The following NEURL3 variants were observed in gnomAD, a reference collection of about 807,000 sequenced individuals.
NEURL3 encodes E3 ubiquitin-protein ligase NEURL3.
Under a neutral mutation model 17.6 loss-of-function variants are expected in NEURL3, and 19 were observed. The observed-to-expected ratio is 1.08, with a 90% CI of 0.75 to 1.58. NEURL3 has a LOEUF of 1.58. NEURL3 is among the 40% of genes most tolerant of loss of function. The pLI, the probability that NEURL3 is intolerant of heterozygous loss-of-function variation, is 0.00. For synonymous variants in NEURL3, 180 were observed against 161.4 expected (o/e 1.11, Z -0.87); for missense variants, 342 against 379.6 (o/e 0.90, Z 0.82).
Position 96,498,002 on chromosome 2 carries a change from C to G in NEURL3, c.*242G>C. 3 of 519,330 alleles carry G rather than the reference C, an allele frequency of 5.8e-6. No homozygotes were observed. In the South Asian group the frequency reaches 7.9e-5, roughly 14 times the overall value. 32.2% of individuals were successfully genotyped at this position (519,330 alleles called of 1,614,324 possible). On this transcript the variant is annotated 3_prime_UTR_variant, in exon 4 of 4. Transcript: ENST00000451794. This position sits in a 1 kb window ranked among gnomAD's most constrained non-coding sequence, Gnocchi z 4.4. ...TGGGCCACCCCATCTCTAAACAAAGCACCCCATCAGAAGGATAGTTCTGGC... is the reference window on the plus strand; with the variant it reads ...TGGGCCACCCCATCTCTAAACAAAGGACCCCATCAGAAGGATAGTTCTGGC...
upstream of NEURL3, among the ~76,000 whole-genome samples, chr2:96,507,156 A>G (rs74936363): frequency 1.4e-3 from 214 of 152,324 alleles, 6 homozygotes; most frequent in East Asian, 0.037. Flanking sequence ...ACACAGGGAC[A>G]GAGAGAAGAA....
At chr2:96,503,638 A>T (rs1044206406) in intron 1 of NEURL3, among the ~76,000 whole-genome samples, 1 of 152,142 alleles carries the variant, frequency 6.6e-6, no homozygotes, top group Non-Finnish European at 1.5e-5. Context: ...GGCCCACAGG[A>T]CCGTGTCCAC....
chr2:96,506,053 T>C (rs145692940), upstream of NEURL3, among the ~76,000 whole-genome samples: 32 of 152,304 alleles, frequency 2.1e-4, no homozygotes, highest in Non-Finnish European at 3.2e-4. Context: ...CGTCAATATT[T>C]ATTTCGGTTA....
At chr2:96,503,469 GC>G (rs1435708049) in intron 1 of NEURL3, among the ~76,000 whole-genome samples, 2 of 152,156 alleles carry the variant, frequency 1.3e-5, no homozygotes, top group Non-Finnish European at 2.9e-5. Flanking sequence ...ACCTCGGGCA[GC>G]CCCCTGGGAC....
At chr2:96,499,730 G>A (rs1047171472) in intron 2 of NEURL3, among the ~76,000 whole-genome samples, 1 of 151,956 alleles carries the variant, frequency 6.6e-6, no homozygotes, top group African/African-American at 2.4e-5. Flanking sequence ...GGAGACCCTC[G>A]GCCGAGCCAC....
chr2:96,505,162 G>T, intron 1 of NEURL3, 97 bp downstream of exon 1: 2 of 1,456,620 alleles, frequency 1.4e-6, no homozygotes, highest in Non-Finnish European at 1.9e-6. Flanking sequence ...ACTTTACACT[G>T]ACCACATCTC....
At position 96,498,008 on chromosome 2, in the gene NEURL3, A is replaced by T; in HGVS notation, c.*236T>A. 1 of 532,554 alleles carries T rather than the reference A, an allele frequency of 1.9e-6. No homozygotes were observed. The highest frequency in any genetic ancestry group is 3.3e-6 in the Non-Finnish European group (1 of 301,190). The allele number at this position is 532,554 out of a possible 1,614,324, so 33.0% of individuals were successfully genotyped here. A position where few individuals can be genotyped will look rare whatever the true frequency, so the allele number is the denominator to read the frequency against. ...ACCCCATCTCTAAACAAAGCACCCC[A>T]TCAGAAGGATAGTTCTGGCATGGAC... On this transcript the variant is annotated 3_prime_UTR_variant, in exon 4 of 4. Coordinates refer to ENST00000451794, the MANE Select transcript of NEURL3 (RefSeq NM_001285485.2). This position sits in a 1 kb window ranked among gnomAD's most constrained non-coding sequence, Gnocchi z 4.4.
At chr2:96,502,210 G>A (rs939356693) in intron 1 of NEURL3, among the ~76,000 whole-genome samples, 5 of 152,204 alleles carry the variant, frequency 3.3e-5, no homozygotes, top group Admixed American at 3.3e-4. Context: ...TTCCCATGAT[G>A]CACTCATCCC....
At chr2:96,506,493 C>G (rs1046196100), upstream of NEURL3, among the ~76,000 whole-genome samples, 2 of 152,210 alleles carry the variant, frequency 1.3e-5, no homozygotes, top group African/African-American at 4.8e-5. Flanking sequence ...CATGAGCCAC[C>G]GCACCTGGCC....
At chr2:96,503,498 G>GGT (rs1286127888) in intron 1 of NEURL3, among the ~76,000 whole-genome samples, 1 of 152,160 alleles carries the variant, frequency 6.6e-6, no homozygotes, top group Non-Finnish European at 1.5e-5. Flanking sequence ...GGCAGCAAAA[G>GGT]GTCCCTTAGG....
intron 1 of NEURL3, among the ~76,000 whole-genome samples, chr2:96,501,876 T>G (rs956986134): frequency 1.2e-4 from 18 of 151,886 alleles, no homozygotes; most frequent in African/African-American, 4.4e-4. Flanking sequence ...GCGAATTCAA[T>G]CAGAACTTAA....
chr2:96,505,278 G>A lies in NEURL3; in HGVS notation c.9C>T (p.Ala3=). 6.3e-7 allele frequency: 1 copy of A among 1,599,172 alleles called. No individual in the cohort carries two copies. The highest frequency in any genetic ancestry group is 8.5e-7 in the Non-Finnish European group (1 of 1,179,792). ...ACTTACTGGCCTCGAAGCAGAGCTGGGCACCCATCAGTCTAAGGTCCTCGG... is the reference window on the plus strand; with the variant it reads ...ACTTACTGGCCTCGAAGCAGAGCTGAGCACCCATCAGTCTAAGGTCCTCGG... The part of the protein sequence containing the change: MG[A]QLCFEANAKA... The change falls in exon 1 of 4, where the codon GCC becomes GCT. Residue 3 remains alanine (A), a synonymous_variant. Coordinates refer to ENST00000451794, the MANE Select transcript of NEURL3 (RefSeq NM_001285485.2).
intron 1 of NEURL3, among the ~76,000 whole-genome samples, chr2:96,504,877 CAAAAAAA>C (rs1157285400): frequency 3.6e-5 from 2 of 55,278 alleles, no homozygotes; most frequent in Admixed American, 2.1e-4. Flanking sequence ...GACTCCGTCT[CAAAAAAA>C]AAAAAAAAAA....
rs974496127 is a variant in NEURL3 at position 96,500,207 on chromosome 2, G to T, written c.514+232C>A. 2.1e-5 allele frequency: 12 copies of T among 581,108 alleles called. No homozygotes were observed. The African/African-American group carries it at 2.3e-4, about 11-fold the overall frequency. 36.0% of individuals were successfully genotyped at this position (581,108 alleles called of 1,614,324 possible). ...CTAACAGGTGTTTGAGTAACAGATG[G>T]TGTGAGTGCTGGTCCTATCTGCTTA... is the stretch of plus-strand genomic sequence containing the variant. On this transcript the variant is annotated intron_variant, in intron 2 of 3. Coordinates refer to ENST00000451794, the MANE Select transcript of NEURL3 (RefSeq NM_001285485.2).
chr2:96,499,552 G>T, intron 2 of NEURL3, 103 bp from the exon 3 acceptor site: 1 of 1,048,912 alleles, frequency 9.5e-7, no homozygotes, highest in Non-Finnish European at 1.4e-6. Context: ...TTTCTTTCCT[G>T]GGTTGCAATG....
chr2:96,502,506 G>A (rs1403387183), intron 1 of NEURL3, among the ~76,000 whole-genome samples: 1 of 152,238 alleles, frequency 6.6e-6, no homozygotes, highest in Non-Finnish European at 1.5e-5. Flanking sequence ...GCAGTGAAGT[G>A]CATGTCCAGC....
At chr2:96,503,940 A>G (rs371972017) in intron 1 of NEURL3, among the ~76,000 whole-genome samples, 26 of 152,306 alleles carry the variant, frequency 1.7e-4, no homozygotes, top group African/African-American at 6.0e-4. Context: ...CGCTCTTTCT[A>G]TGGGTCCTGT....
Position 96,498,142 on chromosome 2 carries a change from G to A in NEURL3, c.*102C>T, listed in dbSNP as rs758545389. The A allele has an allele frequency of 3.4e-5, 42 of 1,249,274 alleles. No individual in the cohort carries two copies. The highest frequency in any genetic ancestry group is 4.5e-5 in the Non-Finnish European group (42 of 929,258). 77.4% of individuals were successfully genotyped at this position (1,249,274 alleles called of 1,614,324 possible). On this transcript the variant is annotated 3_prime_UTR_variant, in exon 4 of 4. Transcript: ENST00000451794. The surrounding 1 kb of genome is among the most constrained non-coding windows in gnomAD (Gnocchi z 4.4). ...GCACCTCTTGCTAATCAGCCTTTCT[G>A]ACTCTTCCCCAGAAAGAAGGTAGGG...
chr2:96,499,071 C>G, intron 3 of NEURL3: 2 of 838,726 alleles, frequency 2.4e-6, no homozygotes, highest in South Asian at 3.3e-5. Flanking sequence ...AGCCACTGCA[C>G]CCCACCTATC....
Sources: gnomAD v4.1 joint callset for allele counts (sites outside exome capture counted in the v4.1 genomes callset) on GRCh38, gnomAD v4.1.1 for gene constraint, Gnocchi (gnomAD v3.1) non-coding constraint, MANE v1.5 for transcripts, NCBI Gene and HGNC (gene_info 2026-07-23, HGNC 2026-07-21) for gene names.